The following APP variants were observed in gnomAD, a reference collection of about 807,000 sequenced individuals.
APP encodes the protein amyloid-beta precursor protein.
A neutral mutation model predicts 101.4 loss-of-function variants in APP; 31 were observed. That is an observed-to-expected ratio of 0.31 (90% CI 0.23 to 0.41). APP has a LOEUF of 0.41. Among genes scored for constraint, APP ranks in the 10% least tolerant of loss-of-function variants. The probability of loss-of-function intolerance (pLI) is 1.00; values close to 1 mark genes in which losing one functional copy is unlikely to be tolerated. For synonymous variants in APP, 366 were observed against 364.4 expected, an observed-to-expected ratio of 1.00 and a Z score of -0.05; for missense variants, 839 against 1,003.7, an observed-to-expected ratio of 0.84 and a Z score of 2.22.
chr21:26,112,223 A>ATTCTTGC (rs2062344084), intron 1 of APP, 77 bp from the exon 2 acceptor site: 1 of 1,471,124 alleles, frequency 6.8e-7, no homozygotes, highest in African/African-American at 1.4e-5. Context: ...AGGGATAACT[A>ATTCTTGC]TCAAAAAGAG....
intron 11 of APP, among the ~76,000 whole-genome samples, chr21:25,957,318 A>C (rs187555950): frequency 6.6e-6 from 1 of 152,332 alleles, no homozygotes; most frequent in East Asian, 1.9e-4. Flanking sequence ...GATAAGCTAT[A>C]TCTCTATATA....
chr21:25,986,993 T>C (rs367795277), intron 8 of APP, among the ~76,000 whole-genome samples: 22 of 152,262 alleles, frequency 1.4e-4, no homozygotes, highest in African/African-American at 5.3e-4. Context: ...AAAAAGGCTG[T>C]AAAGCTAATT....
intron 1 of APP, among the ~76,000 whole-genome samples, chr21:26,146,347 T>G (rs1011253807): frequency 6.6e-6 from 1 of 152,220 alleles, no homozygotes; most frequent in Non-Finnish European, 1.5e-5. Context: ...TAGATGAAAA[T>G]GCCAATCTGG....
intron 5 of APP, among the ~76,000 whole-genome samples, chr21:26,037,118 A>C (rs895718777): frequency 5.9e-5 from 9 of 152,210 alleles, no homozygotes; most frequent in Admixed American, 2.0e-4. Flanking sequence ...TAAGCCAAAA[A>C]CAGAAAGTTA....
intron 1 of APP, among the ~76,000 whole-genome samples, chr21:26,157,502 T>C (rs2063401105): frequency 2.6e-5 from 4 of 152,238 alleles, no homozygotes. Context: ...TTCTGTAATG[T>C]GTCAAACTAT....
chr21:26,134,697 C>T (rs947464532), intron 1 of APP, among the ~76,000 whole-genome samples: 9 of 152,316 alleles, frequency 5.9e-5, no homozygotes, highest in Admixed American at 5.9e-4. Flanking sequence ...TCAACTCAAA[C>T]TTCAGCTCCT....
chr21:25,975,307 A>T, intron 10 of APP, 79 bp from the exon 11 acceptor site: 1 of 1,574,388 alleles, frequency 6.4e-7, no homozygotes, highest in Non-Finnish European at 8.7e-7. Context: ...TAAAAAAGAC[A>T]TCCTATTCCA....
intron 8 of APP, among the ~76,000 whole-genome samples, chr21:25,986,898 G>A (rs1303428183): frequency 3.9e-5 from 6 of 152,226 alleles, no homozygotes; most frequent in South Asian, 4.1e-4. Flanking sequence ...ATTTTATTGC[G>A]TAGAGGCAAA....
At chr21:26,146,263 G>A (rs533361542) in intron 1 of APP, among the ~76,000 whole-genome samples, 54 of 152,332 alleles carry the variant, frequency 3.5e-4, no homozygotes, top group Non-Finnish European at 4.7e-4. Context: ...TTGAACCTGG[G>A]AGGCAGAGGT....
At chr21:25,979,277 A>C (rs1163349112) in intron 9 of APP, among the ~76,000 whole-genome samples, 3 of 152,198 alleles carry the variant, frequency 2.0e-5, no homozygotes, top group African/African-American at 7.2e-5. Context: ...AAACCGCACA[A>C]TTTTTAAAAT....
At position 26,046,047 on chromosome 21, in the gene APP, G is replaced by A. The variant is rs137961806; in HGVS notation, c.662+4953C>T. 3.8e-3 allele frequency among the ~76,000 whole-genome samples: 572 copies of A among 152,092 alleles called. 5 individuals carry two copies. The highest frequency in any genetic ancestry group is 0.013 in the African/African-American group (544 of 41,476). On this transcript the variant is annotated intron_variant, in intron 5 of 17. Transcript: ENST00000346798. ...CCTCTTTTTAAAACCATCAGATCTC[G>A]TGAGACTTATTCACTTCACAGGAAC...
At chr21:25,925,420 C>G (rs2039846104) in intron 13 of APP, among the ~76,000 whole-genome samples, 1 of 152,162 alleles carries the variant, frequency 6.6e-6, no homozygotes, top group African/African-American at 2.4e-5. Flanking sequence ...TTTGTCTGTA[C>G]TCTTGCTACA....
intron 8 of APP, 59 bp from the exon 9 acceptor site, chr21:25,982,536 C>T (rs1376140653): frequency 1.3e-6 from 2 of 1,536,262 alleles, no homozygotes; most frequent in Non-Finnish European, 1.8e-6. Flanking sequence ...CAGAATAATC[C>T]ACTCGTTTAA....
intron 11 of APP, among the ~76,000 whole-genome samples, chr21:25,959,889 G>C (rs2041503148): frequency 6.6e-6 from 1 of 152,144 alleles, no homozygotes; most frequent in African/African-American, 2.4e-5. Context: ...GTTTTCAATT[G>C]CTGATCTCAT....
chr21:26,075,113 T>C (rs1003543352), intron 3 of APP, among the ~76,000 whole-genome samples: 2 of 152,224 alleles, frequency 1.3e-5, no homozygotes, highest in Non-Finnish European at 2.9e-5. Flanking sequence ...TTCTAATGTT[T>C]GGGCTATTCT....
chr21:25,961,410 C>T (rs1015628554), intron 11 of APP, among the ~76,000 whole-genome samples: 2 of 152,178 alleles, frequency 1.3e-5, no homozygotes, highest in African/African-American at 4.8e-5. Flanking sequence ...TCTAAATTAA[C>T]TGAGACCTGT....
chr21:25,894,353 C>G (rs2037892358), intron 16 of APP, among the ~76,000 whole-genome samples: 1 of 152,102 alleles, frequency 6.6e-6, no homozygotes, highest in Admixed American at 6.5e-5. Flanking sequence ...CTATTCACTG[C>G]CATAGATAGC....
chr21:26,125,116 C>A (rs1311751311), intron 1 of APP, among the ~76,000 whole-genome samples: 2 of 152,116 alleles, frequency 1.3e-5, no homozygotes, highest in Non-Finnish European at 2.9e-5. Context: ...GAGTATGGGT[C>A]GGACAGGAAG....
intron 17 of APP, among the ~76,000 whole-genome samples, chr21:25,887,540 A>AAAAAAAAAAAAAAAAAAAC (rs367900945): frequency 7.2e-6 from 1 of 139,272 alleles, no homozygotes; most frequent in Non-Finnish European, 1.6e-5. Context: ...AAAAAAAAAA[A>AAAAAAAAAAAAAAAAAAAC]CAACAACTAG....
Sources: allele counts gnomAD v4.1 joint callset (sites outside exome capture counted in the v4.1 genomes callset), GRCh38; gene constraint gnomAD v4.1.1; transcripts MANE v1.5; gene names NCBI Gene and HGNC (gene_info 2026-07-23, HGNC 2026-07-21).